Variants in DMXL1 observed in about 807,000 individuals in gnomAD.
DMXL1 encodes the protein Dmx like 1.
A neutral mutation model predicts 319.2 loss-of-function variants in DMXL1; 99 were observed. The observed-to-expected ratio is 0.31, with a 90% CI of 0.26 to 0.37. The LOEUF (loss-of-function observed/expected upper bound fraction) is 0.37, where lower values mean the gene tolerates loss of function less well. Among genes scored for constraint, DMXL1 ranks in the 10% least tolerant of loss-of-function variants. DMXL1 has a pLI of 1.00. For missense variants in DMXL1, 3,745 were observed against 3,595.6 expected, an observed-to-expected ratio of 1.04 and a Z score of -1.06; for synonymous variants, 1,385 against 1,235.2, an observed-to-expected ratio of 1.12 and a Z score of -2.54.
intron 43 of DMXL1, among the ~76,000 whole-genome samples, chr5:119,245,896 T>G (rs538166038): frequency 6.4e-5 from 9 of 141,242 alleles, no homozygotes; most frequent in African/African-American, 2.6e-4. Context: ...TTAATCAAGG[T>G]TAAAAAAAAA....
At chr5:119,232,763 C>T (rs1357297657) in intron 38 of DMXL1, among the ~76,000 whole-genome samples, 5 of 149,908 alleles carry the variant, frequency 3.3e-5, no homozygotes. Flanking sequence ...CACTTGAGGC[C>T]AAGAGTTAAA....
At chr5:119,129,476 T>C (rs1462575527) in intron 10 of DMXL1, 53 bp downstream of exon 10, 1 of 1,328,604 alleles carries the variant, frequency 7.5e-7, no homozygotes, top group Non-Finnish European at 1.0e-6. Context: ...ATAGCAAACA[T>C]TTTCATATTA....
At chr5:119,210,657 A>G (rs1782597090) in intron 34 of DMXL1, among the ~76,000 whole-genome samples, 1 of 151,850 alleles carries the variant, frequency 6.6e-6, no homozygotes, top group South Asian at 2.1e-4. Context: ...GTAATAGCTC[A>G]CTGTCTTTAT....
chr5:119,110,489 A>G (rs1212716557), intron 5 of DMXL1, among the ~76,000 whole-genome samples: 1 of 152,260 alleles, frequency 6.6e-6, no homozygotes, highest in Non-Finnish European at 1.5e-5. Context: ...AATAGGAAGA[A>G]ACAAATGTGT....
chr5:119,097,877 C>A, intron 1 of DMXL1, 102 bp from the exon 2 acceptor site: 1 of 1,093,298 alleles, frequency 9.1e-7, no homozygotes, highest in Non-Finnish European at 1.3e-6. Flanking sequence ...TCTTTTAAAA[C>A]ATTTATTCTC....
chr5:119,176,654 G>T (rs181226455), intron 26 of DMXL1, among the ~76,000 whole-genome samples: 1 of 151,844 alleles, frequency 6.6e-6, no homozygotes, highest in African/African-American at 2.4e-5. Context: ...CAATAAATGC[G>T]CTATATTTAA....
intron 5 of DMXL1, among the ~76,000 whole-genome samples, chr5:119,113,575 C>T (rs564744331): frequency 2.2e-4 from 34 of 152,228 alleles, no homozygotes; most frequent in African/African-American, 7.9e-4. Context: ...ATAAGTGTGA[C>T]TTCAGTTTCT....
intron 34 of DMXL1, among the ~76,000 whole-genome samples, chr5:119,207,806 G>A (rs1243391998): frequency 6.6e-6 from 1 of 152,140 alleles, no homozygotes; most frequent in African/African-American, 2.4e-5. Context: ...ACAGGCGTGA[G>A]CCACCGCGCC....
At chr5:119,162,484 C>T (rs1329551171) in intron 19 of DMXL1, among the ~76,000 whole-genome samples, 2 of 152,192 alleles carry the variant, frequency 1.3e-5, no homozygotes, top group Admixed American at 1.3e-4. Context: ...CCATAGTTGA[C>T]ACCTTCTTGC....
chr5:119,239,114 A>C, intron 41 of DMXL1, 34 bp downstream of exon 41: 1 of 1,607,878 alleles, frequency 6.2e-7, no homozygotes, highest in East Asian at 2.2e-5. Context: ...AAGTATGAGA[A>C]AGTATAGCTG....
chr5:119,242,517 A>G (rs945300053), intron 42 of DMXL1, among the ~76,000 whole-genome samples: 12 of 152,218 alleles, frequency 7.9e-5, no homozygotes, highest in African/African-American at 1.9e-4. Context: ...AGAAGACACA[A>G]TATTCTTAAG....
rs1357627036 is a variant in DMXL1, at chr5:119,237,316, T to C, written c.8467-6T>C. 6.5e-7 allele frequency: 1 copy of C among 1,531,666 alleles called. No homozygotes were observed. The highest frequency in any genetic ancestry group is 9.0e-7 in the Non-Finnish European group (1 of 1,115,152). 94.9% of individuals were successfully genotyped at this position (1,531,666 alleles called of 1,614,324 possible). ...TAAATACTTTTAAATATTTTCTTTC[T>C]CTAAGTTTGGAATAGTTGATGCTGA... On this transcript the variant is annotated splice_region_variant and splice_polypyrimidine_tract_variant and intron_variant, in intron 39 of 43. Transcript: ENST00000539542.
chr5:119,217,405 G>A (rs149030743), intron 35 of DMXL1, among the ~76,000 whole-genome samples: 112 of 152,152 alleles, frequency 7.4e-4, no homozygotes, highest in African/African-American at 2.5e-3. Context: ...GCTGCCCAAC[G>A]TGTGTATTTT....
intron 19 of DMXL1, among the ~76,000 whole-genome samples, chr5:119,160,175 G>A (rs1004287831): frequency 3.3e-5 from 5 of 152,048 alleles, no homozygotes; most frequent in African/African-American, 1.2e-4. Flanking sequence ...ACTGAATGCT[G>A]TAATTTTCTC....
At chr5:119,198,809 A>G (rs138363313) in intron 32 of DMXL1, among the ~76,000 whole-genome samples, 12 of 152,354 alleles carry the variant, frequency 7.9e-5, no homozygotes, top group African/African-American at 2.9e-4. Flanking sequence ...TAGAGATCCC[A>G]GAAATAAACT....
intron 32 of DMXL1, among the ~76,000 whole-genome samples, chr5:119,200,946 T>C (rs990169810): frequency 6.6e-6 from 1 of 152,214 alleles, no homozygotes; most frequent in African/African-American, 2.4e-5. Flanking sequence ...CTAAGTTGTT[T>C]ATCAGATCTA....
In DMXL1 at chr5:119,203,429, T is replaced by A. The variant is rs138270619; in HGVS notation, c.7856T>A (p.Leu2619Gln). The change falls in exon 33 of 44, where the codon CTA (leucine) becomes CAA (glutamine). Residue 2619 changes from leucine to glutamine, a missense_variant. Physicochemically the swap from Leu to Gln is moderately radical, Grantham distance 113. Coordinates refer to ENST00000539542, the MANE Select transcript of DMXL1 (RefSeq NM_001290321.3). ...IKNIFTKKRC[L>Q]NESLEDNSET... ...AATATATTCACAAAGAAACGGTGTC[T>A]AAATGAGGTCTGTATAAGTTAAAAC... 1 of 1,582,358 alleles carries A rather than the reference T, an allele frequency of 6.3e-7. No individual in the cohort carries two copies. The highest frequency in any genetic ancestry group is 1.4e-5 in the African/African-American group (1 of 73,856).
At position 119,103,011 on chromosome 5, in the gene DMXL1, AG is replaced by A. The variant is rs1202676038; in HGVS notation, c.285+1006del. The stretch of plus-strand genomic sequence containing the variant: ...CCTGGGTGATGAAATAATTTGTACA[AG>A]AAAATCCCTTGACACGAATTTACCT... On this transcript the variant is annotated intron_variant, in intron 3 of 43. Coordinates refer to ENST00000539542, the MANE Select transcript of DMXL1 (RefSeq NM_001290321.3). 7.9e-5 allele frequency among the ~76,000 whole-genome samples: 12 copies of A among 152,138 alleles called. No individual in the cohort carries two copies. The East Asian group carries it at 2.3e-3, about 29-fold the overall frequency.
At chr5:119,230,166 C>T (rs1272277901) in intron 38 of DMXL1, among the ~76,000 whole-genome samples, 1 of 152,104 alleles carries the variant, frequency 6.6e-6, no homozygotes, top group Non-Finnish European at 1.5e-5. Flanking sequence ...AATTTTGTAA[C>T]AAAGATAACA....
Sources: gnomAD v4.1 joint callset for allele counts (sites outside exome capture counted in the v4.1 genomes callset) on GRCh38, gnomAD v4.1.1 for gene constraint, MANE v1.5 for transcripts, NCBI Gene and HGNC (gene_info 2026-07-23, HGNC 2026-07-21) for gene names.